Variants in PTGFRN observed in about 807,000 individuals in gnomAD.
PTGFRN encodes the protein prostaglandin F2 receptor inhibitor.
Under a neutral mutation model 83.2 loss-of-function variants are expected in PTGFRN, and 35 were observed. The observed-to-expected ratio is 0.42, with a 90% confidence interval of 0.32 to 0.56. PTGFRN has a LOEUF of 0.56. Among genes scored for constraint, PTGFRN ranks in the 20% least tolerant of loss-of-function variants. The pLI, the probability that PTGFRN is intolerant of heterozygous loss-of-function variation, is 0.11. For missense variants in PTGFRN, 1,051 were observed against 1,179.5 expected (o/e 0.89, Z 1.60); for synonymous variants, 519 against 498.6 (o/e 1.04, Z -0.55).
chr1:116,936,896 T>A (rs990701839), intron 1 of PTGFRN, among the ~76,000 whole-genome samples: 1 of 152,224 alleles, frequency 6.6e-6, no homozygotes, highest in African/African-American at 2.4e-5. Flanking sequence ...ACTACTCATA[T>A]GGAACTTACA....
Position 116,941,583 on chromosome 1 carries a change from A to G in PTGFRN, c.50-132A>G. Reference sequence around the variant, plus strand: ...GTTAGGCTTAACCTTCTGCATAGATACATTTTCCCTAGTAGTTTGGCTGTC... The same window carrying G: ...GTTAGGCTTAACCTTCTGCATAGATGCATTTTCCCTAGTAGTTTGGCTGTC... On this transcript the variant is annotated intron_variant, in intron 1 of 8. Transcript: ENST00000393203. The surrounding 1 kb of genome is among the most constrained non-coding windows in gnomAD (Gnocchi z 5.0). 4 of 1,249,058 alleles carry G rather than the reference A, an allele frequency of 3.2e-6. No homozygotes were observed. The highest frequency in any genetic ancestry group is 4.4e-6 in the Non-Finnish European group (4 of 906,334). The allele number at this position is 1,249,058 out of a possible 1,614,324, so 77.4% of individuals were successfully genotyped here. A position where few individuals can be genotyped will look rare whatever the true frequency, so the allele number is the denominator to read the frequency against.
chr1:116,986,690 G>C (rs1159598147), intron 8 of PTGFRN, 111 bp from the exon 9 acceptor site: 2 of 1,060,348 alleles, frequency 1.9e-6, no homozygotes, highest in African/African-American at 3.1e-5. Context: ...GGAGGAATGA[G>C]ACCTTATCTC....
chr1:116,957,279 C>G (rs186355429), intron 4 of PTGFRN, among the ~76,000 whole-genome samples: 4 of 152,012 alleles, frequency 2.6e-5, no homozygotes, highest in Admixed American at 1.3e-4. Context: ...ATGCCCAGAC[C>G]TCAGCTCAGG....
intron 1 of PTGFRN, among the ~76,000 whole-genome samples, chr1:116,912,303 T>C (rs1239879426): frequency 6.6e-6 from 1 of 152,206 alleles, no homozygotes; most frequent in African/African-American, 2.4e-5. Context: ...ATGACCCTCC[T>C]GATAACTCTG....
chr1:116,917,898 A>G (rs1324689480), intron 1 of PTGFRN, among the ~76,000 whole-genome samples: 4 of 152,116 alleles, frequency 2.6e-5, no homozygotes, highest in Non-Finnish European at 5.9e-5. Flanking sequence ...ATCGTTAGCC[A>G]CTGCGCCCGG....
chr1:116,942,070 A>G lies in PTGFRN; in HGVS notation c.405A>G (p.Thr135=). ...DATVQGNYED[T]VQVKVLADSL... ...CTGTCCAGGGAAACTATGAGGACAC[A>G]GTGCAGGTTAAAGGTACAGTCCTCA... The change falls in exon 2 of 9, where the codon ACA becomes ACG. Residue 135 remains threonine, a synonymous_variant. Transcript: ENST00000393203. 1 of 1,612,964 alleles carries G rather than the reference A, an allele frequency of 6.2e-7. No homozygotes were observed. Among genetic ancestry groups the G allele is most frequent in the African/African-American group, 1.3e-5 (1 of 75,022 alleles).
chr1:116,934,535 T>C (rs940501797), intron 1 of PTGFRN, among the ~76,000 whole-genome samples: 5 of 152,178 alleles, frequency 3.3e-5, no homozygotes, highest in Admixed American at 2.0e-4. Context: ...TTTTTAGTTC[T>C]AAAATTTCAA....
intron 7 of PTGFRN, among the ~76,000 whole-genome samples, chr1:116,980,220 G>T (rs1294774353): frequency 6.6e-6 from 1 of 152,132 alleles, no homozygotes; most frequent in Admixed American, 6.5e-5. Flanking sequence ...AACAACAGGT[G>T]CTGGAGAGGA....
intron 7 of PTGFRN, among the ~76,000 whole-genome samples, chr1:116,979,382 T>C (rs1364572413): frequency 1.3e-5 from 2 of 152,204 alleles, no homozygotes; most frequent in Non-Finnish European, 2.9e-5. Flanking sequence ...TTAAAGTTCA[T>C]ATGGCACCAA....
intron 5 of PTGFRN, among the ~76,000 whole-genome samples, chr1:116,963,172 C>G (rs373307368): frequency 7.2e-5 from 11 of 152,230 alleles, no homozygotes; most frequent in African/African-American, 2.7e-4. Flanking sequence ...GTTGACTGGT[C>G]TCCCTTTAAA....
intron 4 of PTGFRN, among the ~76,000 whole-genome samples, chr1:116,956,421 C>T (rs181844810): frequency 4.3e-4 from 65 of 152,336 alleles, no homozygotes; most frequent in Admixed American, 3.3e-3. Context: ...TACTCTCATT[C>T]CGCTGTGTTT....
At position 116,987,212 on chromosome 1, in the gene PTGFRN, C is replaced by T; in HGVS notation, c.*245C>T. Reference sequence around the variant, plus strand: ...CGAGTGTGTGTTTTCCCAACTGCAGCTTTTTAATGGTTAACCTTCATCTAA... The same window carrying T: ...CGAGTGTGTGTTTTCCCAACTGCAGTTTTTTAATGGTTAACCTTCATCTAA... On this transcript the variant is annotated 3_prime_UTR_variant, in exon 9 of 9. Coordinates refer to ENST00000393203, the MANE Select transcript of PTGFRN (RefSeq NM_020440.4). 2.2e-6 allele frequency: 1 copy of T among 454,424 alleles called. No homozygotes were observed. Among genetic ancestry groups the T allele is most frequent in the Non-Finnish European group, 4.0e-6 (1 of 251,338 alleles). 28.1% of individuals were successfully genotyped at this position (454,424 alleles called of 1,614,324 possible).
chr1:116,927,461 G>C (rs1030424825), intron 1 of PTGFRN, among the ~76,000 whole-genome samples: 11 of 151,516 alleles, frequency 7.3e-5, no homozygotes, highest in Admixed American at 2.6e-4. Flanking sequence ...CAGTCTTGAA[G>C]AAGTACCGTG....
At chr1:116,915,313 C>T (rs1649377926) in intron 1 of PTGFRN, among the ~76,000 whole-genome samples, 1 of 152,228 alleles carries the variant, frequency 6.6e-6, no homozygotes, top group African/African-American at 2.4e-5. Context: ...TGTGGCATCT[C>T]TGCAACCCTA....
chr1:116,982,760 C>T (rs1400607722), intron 7 of PTGFRN, among the ~76,000 whole-genome samples: 1 of 152,174 alleles, frequency 6.6e-6, no homozygotes, highest in African/African-American at 2.4e-5. Context: ...CTGGGCTTTT[C>T]TGTCCCTTCA....
intron 4 of PTGFRN, among the ~76,000 whole-genome samples, chr1:116,956,311 G>GA (rs1318876544): frequency 6.6e-6 from 1 of 152,202 alleles, no homozygotes; most frequent in Admixed American, 6.5e-5. Context: ...AGTTTTAAGA[G>GA]AAAATGAAGA....
At chr1:116,937,291 G>T (rs1176400244) in intron 1 of PTGFRN, among the ~76,000 whole-genome samples, 1 of 152,246 alleles carries the variant, frequency 6.6e-6, no homozygotes, top group African/African-American at 2.4e-5. Context: ...GCTTTCATCT[G>T]AATGAGATGG....
chr1:116,910,233 G>A lies in PTGFRN; in HGVS notation c.30G>A (p.Leu10=), dbSNP rs1425699838. MGRLASRPL[L]LALLSLALCR... is the part of the protein sequence containing the mutation. The stretch of plus-strand genomic sequence containing the variant: ...GGCGCCTGGCCTCGAGGCCGCTGCT[G>A]CTGGCGCTCCTGTCGTTGGGTGAGT... Residue 10 remains leucine (L), a synonymous_variant, in exon 1 of 9, where the codon CTG becomes CTA. Coordinates refer to ENST00000393203, the MANE Select transcript of PTGFRN (RefSeq NM_020440.4). The A allele has an allele frequency of 6.9e-7, 1 of 1,456,764 alleles. No individual in the cohort carries two copies. The highest frequency in any genetic ancestry group is 9.0e-7 in the Non-Finnish European group (1 of 1,110,946). 90.2% of individuals were successfully genotyped at this position (1,456,764 alleles called of 1,614,324 possible).
chr1:116,911,391 G>GGA (rs1557954865), intron 1 of PTGFRN, among the ~76,000 whole-genome samples: 1 of 152,166 alleles, frequency 6.6e-6, no homozygotes, highest in Non-Finnish European at 1.5e-5. Context: ...GGGTTCCAGA[G>GGA]GAGGCCTTCT....
Sources: gnomAD v4.1 joint callset for allele counts (sites outside exome capture counted in the v4.1 genomes callset) on GRCh38, gnomAD v4.1.1 for gene constraint, Gnocchi (gnomAD v3.1) non-coding constraint, MANE v1.5 for transcripts, NCBI Gene and HGNC (gene_info 2026-07-23, HGNC 2026-07-21) for gene names.